Variants in GLRA3 observed in about 807,000 individuals in gnomAD.
The protein encoded by GLRA3 is glycine receptor alpha 3.
A neutral mutation model predicts 60.4 loss-of-function variants in GLRA3; 44 were observed. The observed-to-expected ratio is 0.73, with a 90% CI of 0.57 to 0.94. The LOEUF (loss-of-function observed/expected upper bound fraction) is 0.94, where lower values mean the gene tolerates loss of function less well. Among genes scored for constraint, GLRA3 ranks in the 40% least tolerant of loss-of-function variants. The pLI, the probability that GLRA3 is intolerant of heterozygous loss-of-function variation, is 0.00. For missense variants in GLRA3, 508 were observed against 564.6 expected (o/e 0.90, Z 1.02); for synonymous variants, 223 against 192.9 (o/e 1.16, Z -1.29).
intron 2 of GLRA3, among the ~76,000 whole-genome samples, chr4:174,788,590 T>TAAAAAA (rs35640897): frequency 6.3e-4 from 55 of 87,712 alleles, no homozygotes; most frequent in East Asian, 1.7e-3. Flanking sequence ...GTTAGAGAAG[T>TAAAAAA]AAAAAAAAAA....
At position 174,646,590 on chromosome 4, in the gene GLRA3, G is replaced by A. The variant is rs72996771; in HGVS notation, c.1117-2526C>T. On this transcript the variant is annotated intron_variant, in intron 9 of 9. Transcript: ENST00000274093. ...GTATGCAAGTGTGGTTTGGAACAAA[G>A]GCTGTGATTCCCTGTGTGAAGGCAA... is the stretch of plus-strand genomic sequence containing the variant. Among the ~76,000 whole-genome samples the A allele has an allele frequency of 1.4e-3, 212 of 152,272 alleles. 3 individuals carry two copies. Among genetic ancestry groups the A allele is most frequent in the African/African-American group, 4.9e-3 (204 of 41,544 alleles).
Position 174,739,603 on chromosome 4 carries a change from T to C in GLRA3, c.268-10905A>G, listed in dbSNP as rs193070903. ...ATTCCCAACCCAAGGTAGAGAATCA[T>C]AGGAAGCCCACAAAAATGTTAAGAG... On this transcript the variant is annotated intron_variant, in intron 3 of 9. Coordinates refer to ENST00000274093, the MANE Select transcript of GLRA3 (RefSeq NM_006529.4). Among the ~76,000 whole-genome samples, 163 of 152,220 alleles carry C rather than the reference T, an allele frequency of 1.1e-3. 3 individuals are homozygous for C. The highest frequency in any genetic ancestry group is 3.7e-3 in the African/African-American group (152 of 41,526).
intron 3 of GLRA3, among the ~76,000 whole-genome samples, chr4:174,750,931 G>T (rs1193905409): frequency 6.6e-6 from 1 of 151,968 alleles, no homozygotes; most frequent in Admixed American, 6.6e-5. Flanking sequence ...AAATTCTTAG[G>T]GGAAGTTTTC....
At chr4:174,718,187 T>C (rs1735996339) in intron 4 of GLRA3, among the ~76,000 whole-genome samples, 1 of 152,218 alleles carries the variant, frequency 6.6e-6, no homozygotes, top group Admixed American at 6.5e-5. Context: ...TTTCACAGCA[T>C]ACTGAAAAAT....
At chr4:174,728,822 G>C (rs754819690) in intron 3 of GLRA3, 124 bp from the exon 4 acceptor site, 8 of 603,940 alleles carry the variant, frequency 1.3e-5, no homozygotes, top group Non-Finnish European at 2.0e-5. Flanking sequence ...TCTTGGGGAC[G>C]GGGTGTATAG....
chr4:174,691,701 G>A (rs1355306628), intron 5 of GLRA3, among the ~76,000 whole-genome samples: 3 of 152,166 alleles, frequency 2.0e-5, no homozygotes. Context: ...GTGCTCAATG[G>A]TGCCCAGGCT....
At chr4:174,817,109 A>G (rs973479146) in intron 1 of GLRA3, among the ~76,000 whole-genome samples, 2 of 152,194 alleles carry the variant, frequency 1.3e-5, no homozygotes, top group African/African-American at 4.8e-5. Flanking sequence ...GCTTCCAAGA[A>G]GTTCAGCATG....
At chr4:174,765,386 G>A (rs1738101121) in intron 3 of GLRA3, among the ~76,000 whole-genome samples, 1 of 152,004 alleles carries the variant, frequency 6.6e-6, no homozygotes, top group African/African-American at 2.4e-5. Context: ...CCATAAAGAT[G>A]GGTAAGACTT....
Position 174,641,487 on chromosome 4 carries a change from T to G in GLRA3, c.*2299A>C, listed in dbSNP as rs1732619623. ...TGTGAGTGAAAGCTGTTAAAGTATT[T>G]TCTTAGTGCAGTAAGACAGTGACAA... On this transcript the variant is annotated 3_prime_UTR_variant, in exon 10 of 10. Transcript: ENST00000274093. The G allele has an allele frequency of 6.6e-6, 1 of 152,072 alleles. No homozygotes were observed. Among genetic ancestry groups the G allele is most frequent in the Non-Finnish European group, 1.5e-5 (1 of 67,968 alleles). The allele number at this position is 152,072 out of a possible 1,614,324, so 9.4% of individuals were successfully genotyped here.
intron 1 of GLRA3, among the ~76,000 whole-genome samples, chr4:174,790,789 G>C (rs1418417216): frequency 1.4e-5 from 2 of 138,276 alleles, no homozygotes. Flanking sequence ...GACCATTCTG[G>C]CTAACATGGT....
intron 9 of GLRA3, among the ~76,000 whole-genome samples, chr4:174,653,847 A>C (rs1209381459): frequency 6.6e-6 from 1 of 152,092 alleles, no homozygotes; most frequent in African/African-American, 2.4e-5. Context: ...TTATTTTATT[A>C]AGTATTATTT....
intron 9 of GLRA3, among the ~76,000 whole-genome samples, chr4:174,649,715 G>T (rs184259474): frequency 1.2e-3 from 176 of 152,204 alleles, no homozygotes; most frequent in African/African-American, 3.9e-3. Flanking sequence ...CACCATGCTG[G>T]CTGGATGTGG....
intron 3 of GLRA3, among the ~76,000 whole-genome samples, chr4:174,750,569 T>C (rs1380756968): frequency 6.6e-6 from 1 of 152,066 alleles, no homozygotes; most frequent in Non-Finnish European, 1.5e-5. Context: ...AAAAATGCAT[T>C]GTGATGGCTG....
chr4:174,685,186 T>A (rs1734508154), intron 5 of GLRA3, among the ~76,000 whole-genome samples: 1 of 152,038 alleles, frequency 6.6e-6, no homozygotes, highest in Admixed American at 6.5e-5. Context: ...GAATAGAACA[T>A]TGAGTAGGGA....
chr4:174,716,950 C>T (rs1735941878), intron 4 of GLRA3, among the ~76,000 whole-genome samples: 1 of 151,900 alleles, frequency 6.6e-6, no homozygotes, highest in Non-Finnish European at 1.5e-5. Context: ...CCTGTAATTC[C>T]AGCGCTTTGG....
At chr4:174,792,770 G>GA (rs1363415234) in intron 1 of GLRA3, among the ~76,000 whole-genome samples, 1 of 152,164 alleles carries the variant, frequency 6.6e-6, no homozygotes, top group Non-Finnish European at 1.5e-5. Flanking sequence ...TTAGGTCACA[G>GA]AAAAATAGAT....
rs1272449050 is a variant in GLRA3, at chr4:174,638,295, C to T, written c.*5491G>A. 1 of 151,904 alleles carries T rather than the reference C, an allele frequency of 6.6e-6. No individual in the cohort carries two copies. Among genetic ancestry groups the T allele is most frequent in the Admixed American group, 6.6e-5 (1 of 15,256 alleles). 9.4% of individuals were successfully genotyped at this position (151,904 alleles called of 1,614,324 possible). On this transcript the variant is annotated 3_prime_UTR_variant, in exon 10 of 10. Transcript: ENST00000274093. ...GATTTATTTTAAATTCTTTTTTTGT[C>T]TGTCTGTTTGTTTGTGAGACAGAGT...
intron 3 of GLRA3, among the ~76,000 whole-genome samples, chr4:174,752,796 C>T (rs1167371956): frequency 6.6e-6 from 1 of 152,052 alleles, no homozygotes; most frequent in Non-Finnish European, 1.5e-5. Flanking sequence ...GTTATAAGCT[C>T]ATTTTTGTTA....
chr4:174,707,390 T>C (rs570429315), intron 5 of GLRA3, among the ~76,000 whole-genome samples: 59 of 152,286 alleles, frequency 3.9e-4, no homozygotes, highest in African/African-American at 1.4e-3. Flanking sequence ...TAAACATGGA[T>C]GGGGGACATA....
Sources: gnomAD v4.1 joint callset for allele counts (sites outside exome capture counted in the v4.1 genomes callset) on GRCh38, gnomAD v4.1.1 for gene constraint, MANE v1.5 for transcripts, NCBI Gene and HGNC (gene_info 2026-07-23, HGNC 2026-07-21) for gene names.